The following FNDC3B variants were observed in gnomAD, a reference collection of about 807,000 sequenced individuals.
The protein encoded by FNDC3B is fibronectin type III domain-containing protein 3B.
In FNDC3B, 12 loss-of-function variants were observed where a neutral mutation model predicts 151.5. That is an observed-to-expected ratio of 0.08 (90% CI 0.05 to 0.13). The LOEUF (loss-of-function observed/expected upper bound fraction) is 0.13, where lower values mean the gene tolerates loss of function less well. Ranked by LOEUF, FNDC3B falls within the 10% of genes least tolerant of loss-of-function variation. The pLI, the probability that FNDC3B is intolerant of heterozygous loss-of-function variation, is 1.00. For synonymous variants in FNDC3B, 528 were observed against 549.0 expected, an observed-to-expected ratio of 0.96 and a Z score of 0.54; for missense variants, 1,214 against 1,505.3, an observed-to-expected ratio of 0.81 and a Z score of 3.20.
At chr3:172,122,242 A>T (rs1401602953) in intron 2 of FNDC3B, among the ~76,000 whole-genome samples, 1 of 152,120 alleles carries the variant, frequency 6.6e-6, no homozygotes, top group African/African-American at 2.4e-5. Flanking sequence ...AATTCGTAAC[A>T]TTAATCTCCA....
chr3:172,389,794 A>T (rs1735911476), intron 25 of FNDC3B, among the ~76,000 whole-genome samples: 1 of 152,124 alleles, frequency 6.6e-6, no homozygotes, highest in Non-Finnish European at 1.5e-5. Flanking sequence ...TGAACCTGGG[A>T]GGCGGAGCTT....
At chr3:172,155,973 A>G (rs1278000362) in intron 3 of FNDC3B, among the ~76,000 whole-genome samples, 1 of 152,190 alleles carries the variant, frequency 6.6e-6, no homozygotes, top group Non-Finnish European at 1.5e-5. Context: ...TTTTTCCTCA[A>G]CTTATACTGG....
chr3:172,213,562 T>C (rs1725833394), intron 3 of FNDC3B, among the ~76,000 whole-genome samples: 3 of 152,248 alleles, frequency 2.0e-5, no homozygotes, highest in Admixed American at 2.0e-4. Flanking sequence ...TATTTATATA[T>C]CATGCATATC....
intron 7 of FNDC3B, among the ~76,000 whole-genome samples, chr3:172,286,303 A>T (rs1730016533): frequency 6.9e-6 from 1 of 144,598 alleles, no homozygotes. Flanking sequence ...GTTTTTTTTT[A>T]ACCATATAAA....
At chr3:172,307,538 A>T in intron 10 of FNDC3B, 37 bp downstream of exon 10, 1 of 1,611,612 alleles carries the variant, frequency 6.2e-7, no homozygotes, top group Non-Finnish European at 8.5e-7. Context: ...GTCTCAATTT[A>T]AAAATTAGCC....
chr3:172,081,911 T>G (rs1718298193), intron 1 of FNDC3B, among the ~76,000 whole-genome samples: 2 of 152,232 alleles, frequency 1.3e-5, no homozygotes, highest in Admixed American at 6.5e-5. Flanking sequence ...AATAATTTCC[T>G]CTTGTTTTAT....
chr3:172,088,239 A>G (rs1718648623), intron 1 of FNDC3B, among the ~76,000 whole-genome samples: 1 of 152,220 alleles, frequency 6.6e-6, no homozygotes, highest in Admixed American at 6.5e-5. Context: ...ATCCTAAATT[A>G]GCAAAACCGC....
rs2108324186 is a variant in FNDC3B, at chr3:172,352,167, G to A, written c.2515-636G>A. Among the ~76,000 whole-genome samples, 1 of 152,324 alleles carries A rather than the reference G, an allele frequency of 6.6e-6. No homozygotes were observed. Among genetic ancestry groups the A allele is most frequent in the South Asian group, 2.1e-4 (1 of 4,832 alleles). On this transcript the variant is annotated intron_variant, in intron 21 of 25. Coordinates refer to ENST00000415807, the MANE Select transcript of FNDC3B (RefSeq NM_022763.4). The surrounding 1 kb of genome is among the most constrained non-coding windows in gnomAD (Gnocchi z 4.2). The stretch of plus-strand genomic sequence containing the variant: ...TTGAGAAGCAGCAGGAGGTAAGGTA[G>A]GAGGAGAAATAAGTGTGGCATCTTG...
At chr3:172,248,570 A>G (rs1276485846) in intron 5 of FNDC3B, among the ~76,000 whole-genome samples, 1 of 152,066 alleles carries the variant, frequency 6.6e-6, no homozygotes, top group African/African-American at 2.4e-5. Flanking sequence ...CTGACTATGA[A>G]TGGAAGCATT....
intron 1 of FNDC3B, among the ~76,000 whole-genome samples, chr3:172,082,519 A>C (rs978839786): frequency 2.1e-5 from 3 of 139,866 alleles, no homozygotes; most frequent in Admixed American, 7.6e-5. Context: ...GCCGGGAGTC[A>C]TCCTGAGAGG....
chr3:172,380,924 T>TA (rs1560108451), intron 24 of FNDC3B, 42 bp from the exon 25 acceptor site: 1 of 1,606,674 alleles, frequency 6.2e-7, no homozygotes, highest in East Asian at 2.2e-5. Flanking sequence ...ATTAACATGA[T>TA]ACTTTGAATT....
rs570431463 is a variant in FNDC3B at position 172,185,678 on chromosome 3, G to A, written c.188-41193G>A. On this transcript the variant is annotated intron_variant, in intron 3 of 25. Coordinates refer to ENST00000415807, the MANE Select transcript of FNDC3B (RefSeq NM_022763.4). ...ATGATACCTTGTGTCTTTATTTAGC[G>A]TACGTTTATCATAGGAAAATTTACT... Among the ~76,000 whole-genome samples the A allele has an allele frequency of 6.6e-5, 10 of 152,262 alleles. No homozygotes were observed. The South Asian group carries it at 8.3e-4, about 13-fold the overall frequency.
rs1443446943 is a variant in FNDC3B at position 172,247,776 on chromosome 3, G to A, written c.508G>A (p.Glu170Lys). 2 of 1,614,138 alleles carry A rather than the reference G, an allele frequency of 1.2e-6. No individual in the cohort carries two copies. The highest frequency in any genetic ancestry group is 1.7e-6 in the Non-Finnish European group (2 of 1,179,992). Reference sequence around the variant, plus strand: ...TCCCCACACAATATATGGTGAGCAAGGTGAGTAGATTTTCGTTGGCGTCAG... The same window carrying A: ...TCCCCACACAATATATGGTGAGCAAAGTGAGTAGATTTTCGTTGGCGTCAG... ...HLPHTIYGEQ[E>K]IIPFYGMSTY... The change falls in exon 5 of 26, where the codon GAA becomes AAA. Residue 170 changes from glutamate to lysine, a missense_variant and splice_region_variant. Transcript: ENST00000415807.
intron 20 of FNDC3B, 143 bp downstream of exon 20, chr3:172,346,583 ACC>A (rs1243002194): frequency 2.3e-6 from 1 of 437,188 alleles, no homozygotes; most frequent in Non-Finnish European, 4.0e-6. Context: ...TATAGTAATC[ACC>A]CTTGGCACTT....
At chr3:172,264,751 T>A (rs950534401) in intron 6 of FNDC3B, among the ~76,000 whole-genome samples, 10 of 152,356 alleles carry the variant, frequency 6.6e-5, no homozygotes, top group Non-Finnish European at 1.5e-4. Flanking sequence ...ATTGTTGTCA[T>A]AGCTGTCAAC....
At chr3:172,184,621 T>C (rs1049681900) in intron 3 of FNDC3B, among the ~76,000 whole-genome samples, 1 of 152,190 alleles carries the variant, frequency 6.6e-6, no homozygotes, top group African/African-American at 2.4e-5. Context: ...CCAGAAAGGC[T>C]AATTGTTTGT....
In FNDC3B at chr3:172,241,140, AAG is replaced by A. The variant is rs372725180; in HGVS notation, c.265-6388_265-6387del. Among the ~76,000 whole-genome samples, 212 of 152,266 alleles carry A rather than the reference AAG, an allele frequency of 1.4e-3. 1 individual carries two copies. The highest frequency in any genetic ancestry group is 4.2e-3 in the African/African-American group (173 of 41,556). The stretch of plus-strand genomic sequence containing the variant: ...AGAGGCTAAACGTATCACTTTTTAA[AAG>A]AGAGTTTTTGTTTGTTTGTTTTAAA... On this transcript the variant is annotated intron_variant, in intron 4 of 25. Coordinates refer to ENST00000415807, the MANE Select transcript of FNDC3B (RefSeq NM_022763.4).
At chr3:172,114,266 A>G (rs1720134237) in intron 2 of FNDC3B, among the ~76,000 whole-genome samples, 1 of 151,882 alleles carries the variant, frequency 6.6e-6, no homozygotes, top group Non-Finnish European at 1.5e-5. Flanking sequence ...AGTGTTGTGG[A>G]TGGTTTCAAG....
At chr3:172,199,414 C>T (rs936757817) in intron 3 of FNDC3B, among the ~76,000 whole-genome samples, 50 of 149,210 alleles carry the variant, frequency 3.4e-4, no homozygotes, top group African/African-American at 1.1e-3. Context: ...CTCCTGACCT[C>T]GTGATCCGCC....
Sources: gnomAD v4.1 joint callset for allele counts (sites outside exome capture counted in the v4.1 genomes callset) on GRCh38, gnomAD v4.1.1 for gene constraint, Gnocchi (gnomAD v3.1) non-coding constraint, MANE v1.5 for transcripts, NCBI Gene and HGNC (gene_info 2026-07-23, HGNC 2026-07-21) for gene names.